The following RRP7A variants were observed in gnomAD, a reference collection of about 807,000 sequenced individuals.
RRP7A encodes the protein ribosomal RNA processing 7 homolog A, also known as ribosomal RNA-processing protein 7 homolog A.
Under a neutral mutation model 38.4 loss-of-function variants are expected in RRP7A, and 27 were observed. The observed-to-expected ratio is 0.70, with a 90% CI of 0.52 to 0.97. The LOEUF (loss-of-function observed/expected upper bound fraction) is 0.97, where lower values mean the gene tolerates loss of function less well. Ranked by LOEUF, RRP7A falls within the 50% of genes least tolerant of loss-of-function variation. The pLI, the probability that RRP7A is intolerant of heterozygous loss-of-function variation, is 0.00. For synonymous variants in RRP7A, 124 were observed against 150.3 expected (o/e 0.83, Z 1.28); for missense variants, 327 against 375.4 (o/e 0.87, Z 1.07).
chr22:42,513,982 T>C, intron 6 of RRP7A, 124 bp downstream of exon 6: 3 of 820,370 alleles, frequency 3.7e-6, no homozygotes, highest in Non-Finnish European at 5.8e-6. Context: ...AGCCCCGTGC[T>C]TAGGGACGCC....
At chr22:42,518,620 T>C (rs1201916676) in intron 1 of RRP7A, 1 of 470,116 alleles carries the variant, frequency 2.1e-6, no homozygotes. Flanking sequence ...CACCTCAGGT[T>C]TAGCTCAAAC....
intron 2 of RRP7A, among the ~76,000 whole-genome samples, chr22:42,517,055 A>G (rs1280722037): frequency 6.6e-6 from 1 of 152,066 alleles, no homozygotes; most frequent in Non-Finnish European, 1.5e-5. Context: ...AAGGGGGCGG[A>G]TTACTTCAGG....
intron 2 of RRP7A, 37 bp from the exon 3 acceptor site, chr22:42,516,173 G>C (rs752095844): frequency 6.2e-7 from 1 of 1,608,524 alleles, no homozygotes; most frequent in Non-Finnish European, 8.5e-7. Flanking sequence ...GTGAGCATCC[G>C]CAGGGCCATC....
At position 42,511,775 on chromosome 22, in the gene RRP7A, C is replaced by T. The variant is rs150907835; in HGVS notation, c.*1135G>A. ...TGGCTTCTTGAAGGCAGACACAAGT[C>T]TGCAGGCTGCTCACGTCATCTCATT... On this transcript the variant is annotated 3_prime_UTR_variant, in exon 7 of 7. Coordinates refer to ENST00000323013, the MANE Select transcript of RRP7A (RefSeq NM_015703.5). 1.1e-4 allele frequency: 26 copies of T among 229,404 alleles called. No homozygotes were observed. In the East Asian group the frequency reaches 2.8e-3, roughly 25 times the overall value. The allele number at this position is 229,404 out of a possible 1,614,324, so 14.2% of individuals were successfully genotyped here.
intron 2 of RRP7A, 65 bp from the exon 3 acceptor site, chr22:42,516,201 C>G (rs1176892573): frequency 1.9e-6 from 3 of 1,595,376 alleles, no homozygotes; most frequent in Middle Eastern, 3.4e-4. Flanking sequence ...CTCCCTGCAC[C>G]ATGGGTGGCG....
intron 2 of RRP7A, among the ~76,000 whole-genome samples, chr22:42,517,610 C>T (rs375243353): frequency 6.6e-6 from 1 of 152,096 alleles, no homozygotes; most frequent in Admixed American, 6.6e-5. Flanking sequence ...ACCTACACCT[C>T]CCGGGTTCAA....
chr22:42,514,409 G>C, intron 5 of RRP7A, 105 bp from the exon 6 acceptor site: 1 of 801,018 alleles, frequency 1.2e-6, no homozygotes. Flanking sequence ...AGCCCCCGCA[G>C]GGGAGGGCTG....
At chr22:42,518,543 C>T in intron 1 of RRP7A, 1 of 442,322 alleles carries the variant, frequency 2.3e-6, no homozygotes, top group Non-Finnish European at 4.8e-6. Flanking sequence ...CTCTGTTCCC[C>T]CGGGTACACC....
chr22:42,519,598 C>T (rs942951204), intron 1 of RRP7A, 116 bp downstream of exon 1: 6 of 912,478 alleles, frequency 6.6e-6, no homozygotes, highest in Admixed American at 4.3e-5. Context: ...CCACGGGCCA[C>T]CGGGGCTCAC....
chr22:42,518,741 G>C (rs1374235440), intron 1 of RRP7A: 1 of 470,814 alleles, frequency 2.1e-6, no homozygotes, highest in Non-Finnish European at 4.4e-6. Flanking sequence ...ATATTGATGA[G>C]ATTCTTTGGT....
chr22:42,511,176 A>C lies in RRP7A; in HGVS notation c.*1734T>G, dbSNP rs5758774. On this transcript the variant is annotated 3_prime_UTR_variant, in exon 7 of 7. Coordinates refer to ENST00000323013, the MANE Select transcript of RRP7A (RefSeq NM_015703.5). Reference sequence around the variant, plus strand: ...ATGCCATCATGCCCAGCTAATAGTCACACTTTTTTTTTTTTTTTGAGATGG... The same window carrying C: ...ATGCCATCATGCCCAGCTAATAGTCCCACTTTTTTTTTTTTTTTGAGATGG... 83,995 of 149,924 alleles carry C rather than the reference A, an allele frequency of 0.56. 26,308 individuals are homozygous for C. Among genetic ancestry groups the C allele is most frequent in the East Asian group, 0.88 (4,547 of 5,142 alleles). The allele number at this position is 149,924 out of a possible 1,614,324, so 9.3% of individuals were successfully genotyped here. A position where few individuals can be genotyped will look rare whatever the true frequency, so the allele number is the denominator to read the frequency against.
Position 42,518,105 on chromosome 22 carries a change from T to G in RRP7A, c.116A>C (p.Tyr39Ser). 1 of 1,613,648 alleles carries G rather than the reference T, an allele frequency of 6.2e-7. No homozygotes were observed. The highest frequency in any genetic ancestry group is 8.5e-7 in the Non-Finnish European group (1 of 1,179,794). ...AACGCCGTGTGCTCTCACATAGAGGTAGTGAGAAGCCTGTTGCTTTTCAGA... is the reference window on the plus strand; with the variant it reads ...AACGCCGTGTGCTCTCACATAGAGGGAGTGAGAAGCCTGTTGCTTTTCAGA... ...KFSEKQQASH[Y>S]LYVRAHGVRQ... The change falls in exon 2 of 7, where the codon TAC becomes TCC. Residue 39 changes from tyrosine (Y) to serine (S), a missense_variant. Tyr to Ser is a moderately radical substitution (Grantham distance 144). Coordinates refer to ENST00000323013, the MANE Select transcript of RRP7A (RefSeq NM_015703.5).
At position 42,509,286 on chromosome 22, in the gene RRP7A, CAG is replaced by C. The variant is rs1932368848; in HGVS notation, c.*3622_*3623del. ...AGCAGGGTCATGGAAGGAGGAAGGT[CAG>C]AGGAGGGGAGGGCTCAGGCAGCAGG... is the stretch of plus-strand genomic sequence containing the variant. On this transcript the variant is annotated 3_prime_UTR_variant, in exon 7 of 7. Transcript: ENST00000323013. Among the ~76,000 whole-genome samples, 1 of 151,478 alleles carries C rather than the reference CAG, an allele frequency of 6.6e-6. No individual in the cohort carries two copies. Among genetic ancestry groups the C allele is most frequent in the Non-Finnish European group, 1.5e-5 (1 of 67,794 alleles).
chr22:42,516,085 AC>A lies in RRP7A; in HGVS notation c.267del (p.Glu89AspfsTer30). The A allele has an allele frequency of 6.2e-7, 1 of 1,613,658 alleles. No homozygotes were observed. The highest frequency in any genetic ancestry group is 1.7e-5 in the Admixed American group (1 of 59,978). On this transcript the variant is annotated frameshift_variant, in exon 3 of 7. Coordinates refer to ENST00000323013, the MANE Select transcript of RRP7A (RefSeq NM_015703.5). LOFTEE classifies it high-confidence loss of function. ...LSTCGLVQSV[E>X]LQEKPDLAES... is the part of the protein sequence containing the mutation. ...TCAGCCAGGTCCGGCTTCTCCTGCA[AC>A]TCTACAGACTGGACGAGGCCACAGG...
chr22:42,513,903 T>TG (rs879677441), intron 6 of RRP7A, among the ~76,000 whole-genome samples: 650 of 149,168 alleles, frequency 4.4e-3, no homozygotes, highest in African/African-American at 0.016. Context: ...CATCTGCCCC[T>TG]AGGGGGTGAT....
At chr22:42,513,696 GAC>G (rs68114688) in intron 6 of RRP7A, among the ~76,000 whole-genome samples, 67,005 of 139,570 alleles carry the variant, frequency 0.48, 16,309 homozygotes, top group East Asian at 0.81. Flanking sequence ...CCACCTGACA[GAC>G]ACACACACAC....
intron 1 of RRP7A, among the ~76,000 whole-genome samples, 175 bp downstream of exon 1, chr22:42,519,539 C>T (rs903196669): frequency 6.6e-6 from 1 of 152,110 alleles, no homozygotes; most frequent in Non-Finnish European, 1.5e-5. Flanking sequence ...AGAAGGGCGC[C>T]GCCTGGGTCC....
At chr22:42,516,252 C>G in intron 2 of RRP7A, 116 bp from the exon 3 acceptor site, 1 of 1,401,066 alleles carries the variant, frequency 7.1e-7, no homozygotes, top group Non-Finnish European at 9.8e-7. Context: ...CAGCCACAGC[C>G]ACATCTGCCC....
chr22:42,512,758 TG>T lies in RRP7A; in HGVS notation c.*151del. The T allele has an allele frequency of 1.3e-6, 1 of 786,198 alleles. No individual in the cohort carries two copies. The highest frequency in any genetic ancestry group is 2.1e-6 in the Non-Finnish European group (1 of 466,200). The allele number at this position is 786,198 out of a possible 1,614,324, so 48.7% of individuals were successfully genotyped here. A position where few individuals can be genotyped will look rare whatever the true frequency, so the allele number is the denominator to read the frequency against. On this transcript the variant is annotated 3_prime_UTR_variant, in exon 7 of 7. Transcript: ENST00000323013. ...GAGGGGTGGCCTGGTCCTTCCCTCC[TG>T]GCCTGTGTGGACTCTGATGGGGCTG...
Sources: gnomAD v4.1 joint callset for allele counts (sites outside exome capture counted in the v4.1 genomes callset) on GRCh38, gnomAD v4.1.1 for gene constraint, MANE v1.5 for transcripts, NCBI Gene and HGNC (gene_info 2026-07-23, HGNC 2026-07-21) for gene names.